The following TTI1 variants were observed in gnomAD, a reference collection of about 807,000 sequenced individuals.
TTI1 encodes TELO2 interacting protein 1.
A neutral mutation model predicts 85.4 loss-of-function variants in TTI1; 52 were observed. That is an observed-to-expected ratio of 0.61 (90% CI 0.49 to 0.77). TTI1 has a LOEUF of 0.77. Ranked by LOEUF, TTI1 falls within the 30% of genes least tolerant of loss-of-function variation. TTI1 has a pLI of 0.00. For synonymous variants in TTI1, 512 were observed against 503.9 expected (o/e 1.02, Z -0.22); for missense variants, 1,173 against 1,296.0 (o/e 0.91, Z 1.46).
rs1600618283 is a variant in TTI1, at chr20:37,999,284, G to A, written c.2697C>T (p.His899=). The change falls in exon 5 of 8, where the codon CAC becomes CAT. Residue 899 remains histidine, a synonymous_variant. Coordinates refer to ENST00000373447, the MANE Select transcript of TTI1 (RefSeq NM_001303457.2). ...LDLCVVVLQS[H]KNQLLPLAHQ... ...GAGCCAAGGGAAGCAGCTGGTTTTT[G>A]TGGGACTGAAGAACAACCACACACA... is the stretch of plus-strand genomic sequence containing the variant. 1.3e-6 allele frequency: 2 copies of A among 1,521,228 alleles called. No individual in the cohort carries two copies. The highest frequency in any genetic ancestry group is 1.7e-4 in the Middle Eastern group (1 of 5,754). 94.2% of individuals were successfully genotyped at this position (1,521,228 alleles called of 1,614,324 possible). A position where few individuals can be genotyped will look rare whatever the true frequency, so the allele number is the denominator to read the frequency against.
At chr20:38,003,505 A>G (rs1175126308) in intron 3 of TTI1, among the ~76,000 whole-genome samples, 1 of 152,034 alleles carries the variant, frequency 6.6e-6, no homozygotes, top group African/African-American at 2.4e-5. Flanking sequence ...TAAAAACAAG[A>G]TATTTGGGAG....
intron 7 of TTI1, chr20:37,987,385 G>A (rs887276572): frequency 2.2e-6 from 1 of 456,570 alleles, no homozygotes; most frequent in Non-Finnish European, 4.4e-6. Flanking sequence ...ATTTTGCGAT[G>A]CGCAGGGATG....
In TTI1 at chr20:37,997,063, A is replaced by G. The variant is rs988198146; in HGVS notation, c.2794-110T>C. The stretch of plus-strand genomic sequence containing the variant: ...TAGGTCTCTGCTTGGGGGAAAAAAA[A>G]AATAGAATTACTGCTGTTAATTCCT... On this transcript the variant is annotated intron_variant, in intron 5 of 7. Coordinates refer to ENST00000373447, the MANE Select transcript of TTI1 (RefSeq NM_001303457.2). The G allele has an allele frequency of 3.3e-6, 4 of 1,205,608 alleles. No individual in the cohort carries two copies. The African/African-American group carries it at 6.1e-5, about 18-fold the overall frequency. The allele number at this position is 1,205,608 out of a possible 1,614,324, so 74.7% of individuals were successfully genotyped here.
chr20:38,032,440 G>T (rs2122669235), intron 1 of TTI1, among the ~76,000 whole-genome samples: 1 of 152,222 alleles, frequency 6.6e-6, no homozygotes, highest in South Asian at 2.1e-4. Context: ...CCACGATCAG[G>T]AAATTTTAAA....
chr20:38,032,837 G>A (rs907352514), intron 1 of TTI1, among the ~76,000 whole-genome samples: 3 of 152,212 alleles, frequency 2.0e-5, no homozygotes, highest in Admixed American at 1.3e-4. Flanking sequence ...GAGACGTTGC[G>A]CCAGGCCTCA....
At position 37,983,659 on chromosome 20, in the gene TTI1, A is replaced by G; in HGVS notation, c.3087-20T>C. 6.7e-7 allele frequency: 1 copy of G among 1,498,884 alleles called. No homozygotes were observed. Among genetic ancestry groups the G allele is most frequent in the Non-Finnish European group, 8.9e-7 (1 of 1,122,746 alleles). The allele number at this position is 1,498,884 out of a possible 1,614,324, so 92.8% of individuals were successfully genotyped here. On this transcript the variant is annotated intron_variant, in intron 7 of 7. Transcript: ENST00000373447. ...AAGACGCTGTGGAGAGATGGAAAGG[A>G]GTGAGTAGAGGGTACAGAGAGGGAA...
At chr20:38,001,947 A>G (rs1356053016) in intron 4 of TTI1, among the ~76,000 whole-genome samples, 1 of 151,974 alleles carries the variant, frequency 6.6e-6, no homozygotes, top group Non-Finnish European at 1.5e-5. Flanking sequence ...CAAACTCCCA[A>G]CTCAGGTGAT....
intron 6 of TTI1, 33 bp downstream of exon 6, chr20:37,996,716 G>T (rs767143259): frequency 1.3e-6 from 2 of 1,579,664 alleles, no homozygotes; most frequent in Non-Finnish European, 1.7e-6. Context: ...GATGCTAAGT[G>T]TGTGTGTTCA....
chr20:37,983,869 A>G (rs1239364483), intron 7 of TTI1, among the ~76,000 whole-genome samples: 1 of 152,288 alleles, frequency 6.6e-6, no homozygotes, highest in East Asian at 1.9e-4. Flanking sequence ...ATCGACATAC[A>G]GAAACCAGTA....
chr20:37,986,485 C>T (rs2073191794), intron 7 of TTI1, among the ~76,000 whole-genome samples: 1 of 152,178 alleles, frequency 6.6e-6, no homozygotes, highest in African/African-American at 2.4e-5. Flanking sequence ...TAAGCAAGAG[C>T]CAAACTCTTG....
chr20:38,002,517 C>A (rs1219730484), intron 4 of TTI1, 111 bp downstream of exon 4: 18 of 1,405,772 alleles, frequency 1.3e-5, no homozygotes, highest in Non-Finnish European at 1.7e-5. Flanking sequence ...GGCCACCACA[C>A]GTGGACCAGG....
Position 38,013,526 on chromosome 20 carries a change from A to G in TTI1, c.291T>C (p.Phe97=), listed in dbSNP as rs145545578. Residue 97 remains phenylalanine, a synonymous_variant, in exon 2 of 8, where the codon TTT becomes TTC. Coordinates refer to ENST00000373447, the MANE Select transcript of TTI1 (RefSeq NM_001303457.2). ...AATACAGACAAGCAGAGAGTTCTGA[A>G]AAGAGTTCCTGGAGAAGCTCCTGTT... ...VKEQELLQEL[F]SELSACLYSP... The G allele has an allele frequency of 9.0e-5, 145 of 1,614,178 alleles. No homozygotes were observed. The highest frequency in any genetic ancestry group is 1.2e-4 in the Non-Finnish European group (141 of 1,180,036).
At chr20:38,002,016 C>T (rs1240424684) in intron 4 of TTI1, among the ~76,000 whole-genome samples, 3 of 152,096 alleles carry the variant, frequency 2.0e-5, no homozygotes, top group African/African-American at 4.8e-5. Context: ...CGCGCCTGGC[C>T]GACAGTTGTA....
chr20:37,983,664 G>GT (rs1306778659), intron 7 of TTI1, 25 bp from the exon 8 acceptor site: 1 of 1,489,990 alleles, frequency 6.7e-7, no homozygotes, highest in African/African-American at 1.4e-5. Flanking sequence ...AAAGGAGTGA[G>GT]TAGAGGGTAC....
At chr20:38,020,829 T>A (rs918513438) in intron 1 of TTI1, among the ~76,000 whole-genome samples, 1 of 151,936 alleles carries the variant, frequency 6.6e-6, no homozygotes, top group African/African-American at 2.4e-5. Flanking sequence ...GAGCTAAATT[T>A]AAAAAAGGGA....
rs1212925628 is a variant in TTI1, at chr20:38,012,283, A to G, written c.1534T>C (p.Tyr512His). ...YLLVDHFMEL[Y>H]HQSVVYRKQA... is the part of the protein sequence containing the mutation. Reference sequence around the variant, plus strand: ...TTCCGGTAAACCACAGATTGATGGTAAAGTTCCATAAAGTGATCCACAAGC... The same window carrying G: ...TTCCGGTAAACCACAGATTGATGGTGAAGTTCCATAAAGTGATCCACAAGC... The change falls in exon 2 of 8, where the codon TAC becomes CAC. Residue 512 changes from tyrosine to histidine, a missense_variant. By Grantham distance (83) the Tyr-to-His change is moderately conservative. Transcript: ENST00000373447. 1.2e-6 allele frequency: 2 copies of G among 1,614,106 alleles called. No individual in the cohort carries two copies. Among genetic ancestry groups the G allele is most frequent in the Non-Finnish European group, 1.7e-6 (2 of 1,180,056 alleles).
chr20:38,013,122 A>G lies in TTI1; in HGVS notation c.695T>C (p.Val232Ala), dbSNP rs1274711872. Residue 232 changes from valine to alanine, a missense_variant, in exon 2 of 8, where the codon GTC becomes GCC. By Grantham distance (64) the Val-to-Ala change is moderately conservative (BLOSUM62 0). Transcript: ENST00000373447. ...TGDFKQGHSI[V>A]VSSLKIFYKT... ...GTAAAAGATCTTTAGGGAAGATACG[A>G]CAATGCTGTGACCTTGTTTAAAGTC... is the stretch of plus-strand genomic sequence containing the variant. 6.2e-7 allele frequency: 1 copy of G among 1,614,188 alleles called. No homozygotes were observed. The highest frequency in any genetic ancestry group is 1.7e-5 in the Admixed American group (1 of 60,022).
At chr20:38,023,931 G>A (rs6068533) in intron 1 of TTI1, among the ~76,000 whole-genome samples, 2 of 152,186 alleles carry the variant, frequency 1.3e-5, no homozygotes. Context: ...ATGCGGAGGA[G>A]GGGAATCAAG....
intron 3 of TTI1, 23 bp from the exon 4 acceptor site, chr20:38,002,799 G>C (rs1440248735): frequency 6.2e-7 from 1 of 1,611,948 alleles, no homozygotes; most frequent in Non-Finnish European, 8.5e-7. Context: ...CACAACTGGG[G>C]GCAGTGTTGT....
Sources: gnomAD v4.1 joint callset for allele counts (sites outside exome capture counted in the v4.1 genomes callset) on GRCh38, gnomAD v4.1.1 for gene constraint, MANE v1.5 for transcripts, NCBI Gene and HGNC (gene_info 2026-07-23, HGNC 2026-07-21) for gene names.